DIP2C: variants seen among roughly 807,000 people sequenced by gnomAD.
DIP2C encodes DIP2 acetate--CoA ligase C (putative).
Under a neutral mutation model 192.4 loss-of-function variants are expected in DIP2C, and 33 were observed. That is an observed-to-expected ratio of 0.17 (90% CI 0.13 to 0.23). DIP2C has a LOEUF of 0.23. Ranked by LOEUF, DIP2C falls within the 10% of genes least tolerant of loss-of-function variation. DIP2C has a pLI of 1.00. For synonymous variants in DIP2C, 979 were observed against 864.1 expected, an observed-to-expected ratio of 1.13 and a Z score of -2.33; for missense variants, 1,537 against 2,110.1, an observed-to-expected ratio of 0.73 and a Z score of 5.32.
At chr10:678,151 T>C (rs1349337514) in intron 1 of DIP2C, among the ~76,000 whole-genome samples, 1 of 152,172 alleles carries the variant, frequency 6.6e-6, no homozygotes, top group Non-Finnish European at 1.5e-5. Context: ...AGCAGACATT[T>C]GGGGAGTCCC....
chr10:495,850 T>G (rs141298671), intron 1 of DIP2C, among the ~76,000 whole-genome samples: 2 of 151,152 alleles, frequency 1.3e-5, no homozygotes, highest in Admixed American at 1.3e-4. Flanking sequence ...GAGTGCTGAG[T>G]ACACAGAACC....
chr10:453,400 G>A (rs1027182913), intron 3 of DIP2C, among the ~76,000 whole-genome samples: 4 of 152,228 alleles, frequency 2.6e-5, no homozygotes, highest in Admixed American at 6.5e-5. Flanking sequence ...AACAAGATTT[G>A]CTGGTCATGC....
At position 283,061 on chromosome 10, in the gene DIP2C, G is replaced by A. The variant is rs528615674; in HGVS notation, c.4294+211C>T. 1.5e-4 allele frequency among the ~76,000 whole-genome samples: 23 copies of A among 152,378 alleles called. No homozygotes were observed. The South Asian group carries it at 2.7e-3, about 18-fold the overall frequency. On this transcript the variant is annotated intron_variant, in intron 35 of 36. Transcript: ENST00000280886. ...AGCTCTTGGTTCTCAGGACAGGACAGGGTATGTGATGCACAGCTCAGCTTG... is the reference window on the plus strand; with the variant it reads ...AGCTCTTGGTTCTCAGGACAGGACAAGGTATGTGATGCACAGCTCAGCTTG...
intron 1 of DIP2C, among the ~76,000 whole-genome samples, chr10:596,352 A>G (rs1046849720): frequency 6.6e-6 from 1 of 151,768 alleles, no homozygotes; most frequent in African/African-American, 2.4e-5. Flanking sequence ...TCTAACGAAA[A>G]TTAGCCGGGC....
chr10:440,688 A>G (rs990772692), intron 4 of DIP2C, among the ~76,000 whole-genome samples, 183 bp downstream of exon 4: 2 of 152,226 alleles, frequency 1.3e-5, no homozygotes, highest in Non-Finnish European at 2.9e-5. Flanking sequence ...TTATACAGAT[A>G]CATAATAATG....
chr10:483,542 A>C (rs1843767750), intron 2 of DIP2C, among the ~76,000 whole-genome samples: 1 of 152,202 alleles, frequency 6.6e-6, no homozygotes, highest in South Asian at 2.1e-4. Flanking sequence ...TCTGGGCCTC[A>C]ATCAGGCGGC....
At position 637,160 on chromosome 10, in the gene DIP2C, C is replaced by A. The variant is rs145894620; in HGVS notation, c.85+52334G>T. Among the ~76,000 whole-genome samples, 515 of 152,374 alleles carry A rather than the reference C, an allele frequency of 3.4e-3. 5 individuals carry two copies. Among genetic ancestry groups the A allele is most frequent in the African/African-American group, 0.012 (484 of 41,584 alleles). ...TACCAGGTATCTGAAGCCAGAAAAT[C>A]TGACAGAAAATTCACAACCTGCCTT... On this transcript the variant is annotated intron_variant, in intron 1 of 36. Transcript: ENST00000280886.
rs574864771 is a variant in DIP2C at position 655,835 on chromosome 10, GTATAC to G, written c.85+33654_85+33658del. Among the ~76,000 whole-genome samples, 389 of 151,158 alleles carry G rather than the reference GTATAC, an allele frequency of 2.6e-3. 5 individuals are homozygous for G. The highest frequency in any genetic ancestry group is 9.1e-3 in the African/African-American group (372 of 40,968). On this transcript the variant is annotated intron_variant, in intron 1 of 36. Coordinates refer to ENST00000280886, the MANE Select transcript of DIP2C (RefSeq NM_014974.3). ...AGAACACTCTACTATTTGTCCCATTGTATACTATACTATATAATGTTACAGTTTCT... is the reference window on the plus strand; with the variant it reads ...AGAACACTCTACTATTTGTCCCATTGTATACTATATAATGTTACAGTTTCT...
At chr10:318,867 G>A (rs1190327511) in intron 31 of DIP2C, among the ~76,000 whole-genome samples, 1 of 151,614 alleles carries the variant, frequency 6.6e-6, no homozygotes, top group Non-Finnish European at 1.5e-5. Context: ...TATTTATTTT[G>A]AGAATTAAGA....
intron 3 of DIP2C, among the ~76,000 whole-genome samples, chr10:448,236 C>A (rs1564725473): frequency 7.6e-6 from 1 of 131,996 alleles, no homozygotes; most frequent in Non-Finnish European, 1.5e-5. Context: ...TAATCAGGAT[C>A]ACACACAGTG....
At chr10:575,257 T>G (rs1352242113) in intron 1 of DIP2C, among the ~76,000 whole-genome samples, 1 of 152,214 alleles carries the variant, frequency 6.6e-6, no homozygotes. Flanking sequence ...AATCTACACA[T>G]AAAACACTGG....
At position 576,641 on chromosome 10, in the gene DIP2C, G is replaced by A. The variant is rs572196175; in HGVS notation, c.86-90111C>T. Reference sequence around the variant, plus strand: ...ACAGAAGATCAGGCCAGGGATGGTGGCTCAGACCTATAATCCCAGCACTTT... The same window carrying A: ...ACAGAAGATCAGGCCAGGGATGGTGACTCAGACCTATAATCCCAGCACTTT... On this transcript the variant is annotated intron_variant, in intron 1 of 36. Coordinates refer to ENST00000280886, the MANE Select transcript of DIP2C (RefSeq NM_014974.3). Among the ~76,000 whole-genome samples, 10 of 152,304 alleles carry A rather than the reference G, an allele frequency of 6.6e-5. No homozygotes were observed. In the East Asian group the frequency reaches 1.7e-3, roughly 26 times the overall value.
rs200472665 is a variant in DIP2C at position 414,094 on chromosome 10, C to A, written c.876G>T (p.Pro292=). 34 of 1,612,372 alleles carry A rather than the reference C, an allele frequency of 2.1e-5. No individual in the cohort carries two copies. Among genetic ancestry groups the A allele is most frequent in the Non-Finnish European group, 2.6e-5 (31 of 1,178,626 alleles). Residue 292 remains proline, a synonymous_variant, in exon 8 of 37, where the codon CCG becomes CCT. Transcript: ENST00000280886. The part of the protein sequence containing the change: ...EELLEVQQPD[P]NQPKPEGAQM... ...GGGCCCCCTCCGGCTTTGGTTGGTT[C>A]GGATCCGGTTGTTGAACTAAATCGT...
At chr10:485,480 G>C (rs1184070744) in intron 2 of DIP2C, among the ~76,000 whole-genome samples, 1 of 152,170 alleles carries the variant, frequency 6.6e-6, no homozygotes, top group Non-Finnish European at 1.5e-5. Flanking sequence ...ACAGAAACAT[G>C]TTCACTGTTA....
At chr10:524,622 A>C (rs1846939444) in intron 1 of DIP2C, among the ~76,000 whole-genome samples, 1 of 152,214 alleles carries the variant, frequency 6.6e-6, no homozygotes, top group African/African-American at 2.4e-5. Context: ...AACATCTTAC[A>C]TTCTTGCAAA....
chr10:602,057 G>T (rs1266998198), intron 1 of DIP2C, among the ~76,000 whole-genome samples: 2 of 150,934 alleles, frequency 1.3e-5, no homozygotes, highest in East Asian at 3.9e-4. Context: ...CATGGGAAGG[G>T]GCTTTTTGCA....
chr10:405,857 G>A (rs755140040), intron 9 of DIP2C, among the ~76,000 whole-genome samples: 46 of 152,136 alleles, frequency 3.0e-4, no homozygotes, highest in Non-Finnish European at 6.5e-4. Context: ...CTGTCCAGGC[G>A]AAAGGCTTCA....
rs1307691275 is a variant in DIP2C at position 275,291 on chromosome 10, T to C, written c.*2034A>G. The C allele has an allele frequency of 2.0e-5, 3 of 152,164 alleles. No individual in the cohort carries two copies. The highest frequency in any genetic ancestry group is 4.4e-5 in the Non-Finnish European group (3 of 68,044). 9.4% of individuals were successfully genotyped at this position (152,164 alleles called of 1,614,324 possible). Reference sequence around the variant, plus strand: ...TGGGTGGGTGTAGGAAAATGTCTTTTTTCCCCCCAATGTGTGGTGGTTCCC... The same window carrying C: ...TGGGTGGGTGTAGGAAAATGTCTTTCTTCCCCCCAATGTGTGGTGGTTCCC... On this transcript the variant is annotated 3_prime_UTR_variant, in exon 37 of 37. Coordinates refer to ENST00000280886, the MANE Select transcript of DIP2C (RefSeq NM_014974.3).
rs569980807 is a variant in DIP2C at position 384,733 on chromosome 10, AG to A, written c.1663-95del. On this transcript the variant is annotated intron_variant, in intron 14 of 36. Transcript: ENST00000280886. ...GGCATGGACACTAGGCCGCACGGGC[AG>A]GGGGGAGCTCTCAGGGAGCGCTGCA... The A allele has an allele frequency of 9.7e-4, 1,232 of 1,266,396 alleles. 5 individuals carry two copies. In the African/African-American group the frequency reaches 0.015, roughly 15 times the overall value. The allele number at this position is 1,266,396 out of a possible 1,614,324, so 78.4% of individuals were successfully genotyped here. A position where few individuals can be genotyped will look rare whatever the true frequency, so the allele number is the denominator to read the frequency against.
Sources: allele counts gnomAD v4.1 joint callset (sites outside exome capture counted in the v4.1 genomes callset), GRCh38; gene constraint gnomAD v4.1.1; transcripts MANE v1.5; gene names NCBI Gene and HGNC (gene_info 2026-07-23, HGNC 2026-07-21).